ZNF37A: variants seen among roughly 807,000 people sequenced by gnomAD.
The protein encoded by ZNF37A is zinc finger protein 37a (KOX 21).
In ZNF37A, 10 loss-of-function variants were observed where a neutral mutation model predicts 12.3. That is an observed-to-expected ratio of 0.82 (90% CI 0.50 to 1.38). The LOEUF is 1.38. ZNF37A is among the 40% of genes most tolerant of loss of function. ZNF37A has a pLI of 0.00. For synonymous variants in ZNF37A, 207 were observed against 223.0 expected (o/e 0.93, Z 0.64); for missense variants, 580 against 651.2 (o/e 0.89, Z 1.19).
rs1241263552 is a variant in ZNF37A at position 38,121,042 on chromosome 10, A to T, written c.*2205A>T. ...CAAACAATACCTGAGTGGAGTATTC[A>T]AAAACTTGCTTAGAAAGAAAACTCT... On this transcript the variant is annotated 3_prime_UTR_variant, in exon 8 of 8. Transcript: ENST00000685332. The T allele has an allele frequency of 6.6e-6, 1 of 152,198 alleles. No individual in the cohort carries two copies. The highest frequency in any genetic ancestry group is 1.5e-5 in the Non-Finnish European group (1 of 68,034). 9.4% of individuals were successfully genotyped at this position (152,198 alleles called of 1,614,324 possible).
In ZNF37A at chr10:38,113,245, C is replaced by T. The variant is rs534425626; in HGVS notation, c.16-1510C>T. On this transcript the variant is annotated intron_variant, in intron 5 of 7. Coordinates refer to ENST00000685332, the MANE Select transcript of ZNF37A (RefSeq NM_001324250.3). Reference sequence around the variant, plus strand: ...TTTTTTTTTTTGAGATGGAGTCTCACTCTGTCACCCAGGCTGGAGTGTGGT... The same window carrying T: ...TTTTTTTTTTTGAGATGGAGTCTCATTCTGTCACCCAGGCTGGAGTGTGGT... Among the ~76,000 whole-genome samples, 7 of 117,108 alleles carry T rather than the reference C, an allele frequency of 6.0e-5. No homozygotes were observed. The East Asian group carries it at 1.7e-3, about 29-fold the overall frequency. 76.8% of individuals were successfully genotyped at this position (117,108 alleles called of 152,430 possible). A position where few individuals can be genotyped will look rare whatever the true frequency, so the allele number is the denominator to read the frequency against.
At position 38,114,741 on chromosome 10, in the gene ZNF37A, T is replaced by C. The variant is rs1176055764; in HGVS notation, c.16-14T>C. The C allele has an allele frequency of 3.7e-6, 6 of 1,613,852 alleles. No individual in the cohort carries two copies. In the African/African-American group the frequency reaches 5.3e-5, roughly 14 times the overall value. ...TCTTATCACTTCAGACTGAGCAAAATTGTGATTTTCCAGGGATCAGTGTCG... is the reference window on the plus strand; with the variant it reads ...TCTTATCACTTCAGACTGAGCAAAACTGTGATTTTCCAGGGATCAGTGTCG... On this transcript the variant is annotated splice_polypyrimidine_tract_variant and intron_variant, in intron 5 of 7. Transcript: ENST00000685332.
intron 5 of ZNF37A, among the ~76,000 whole-genome samples, chr10:38,098,800 A>C (rs1339130606): frequency 6.6e-6 from 1 of 152,220 alleles, no homozygotes; most frequent in Non-Finnish European, 1.5e-5. Flanking sequence ...GACTGGTTGC[A>C]GTAGAGACTG....
chr10:38,146,732 G>T (rs1435005251), exon 8 of ZNF37A: 7 of 398,392 alleles, frequency 1.8e-5, no homozygotes, highest in Non-Finnish European at 2.7e-5. Flanking sequence ...CTACCCACAG[G>T]CTCCACAAGG....
intron 7 of ZNF37A, chr10:38,140,302 G>C (rs2136082988): frequency 6.6e-6 from 1 of 152,350 alleles, no homozygotes; most frequent in Middle Eastern, 3.4e-3. Context: ...AAACTGAGCT[G>C]TGTGTAAACA....
rs2069395074 is a variant in ZNF37A, at chr10:38,117,780, T to C, written c.629T>C (p.Phe210Ser). ...GGTAATGAATGTGGAGAAAATATCT[T>C]TGAGGAATCCATTCTCCTTGAACAT... ...HYGNECGENIFEESILLEHQS... is the reference protein window; with the variant it reads ...HYGNECGENISEESILLEHQS... The change falls in exon 8 of 8, where the codon TTT becomes TCT. Residue 210 changes from phenylalanine (F) to serine (S), a missense_variant. Coordinates refer to ENST00000685332, the MANE Select transcript of ZNF37A (RefSeq NM_001324250.3). 2.5e-6 allele frequency: 4 copies of C among 1,614,040 alleles called. No homozygotes were observed. The highest frequency in any genetic ancestry group is 3.4e-6 in the Non-Finnish European group (4 of 1,179,996).
intron 7 of ZNF37A, among the ~76,000 whole-genome samples, chr10:38,145,002 G>A (rs1467159400): frequency 1.3e-5 from 2 of 152,114 alleles, no homozygotes; most frequent in Non-Finnish European, 2.9e-5. Flanking sequence ...CAAATGGGAG[G>A]TGAGGGAAAT....
At chr10:38,100,655 A>G (rs1461311591) in intron 5 of ZNF37A, among the ~76,000 whole-genome samples, 1 of 152,140 alleles carries the variant, frequency 6.6e-6, no homozygotes, top group Non-Finnish European at 1.5e-5. Flanking sequence ...TCTTTTTTCA[A>G]GGTGCCCAGA....
chr10:38,143,472 T>C (rs535425750), intron 7 of ZNF37A: 2 of 152,332 alleles, frequency 1.3e-5, no homozygotes, highest in African/African-American at 4.8e-5. Context: ...GAGGCATATC[T>C]GGTCCCCAGT....
chr10:38,099,256 G>C (rs1298244574), intron 5 of ZNF37A, among the ~76,000 whole-genome samples: 1 of 152,088 alleles, frequency 6.6e-6, no homozygotes, highest in Non-Finnish European at 1.5e-5. Flanking sequence ...TTGAAATTCT[G>C]TACCTATTAA....
chr10:38,110,422 A>G (rs765652449), intron 5 of ZNF37A, among the ~76,000 whole-genome samples: 10 of 152,236 alleles, frequency 6.6e-5, no homozygotes, highest in African/African-American at 1.2e-4. Flanking sequence ...GTACATAGGC[A>G]TGGGCAAAAC....
intron 7 of ZNF37A, among the ~76,000 whole-genome samples, chr10:38,116,884 G>T (rs552221393): frequency 5.3e-5 from 8 of 152,322 alleles, no homozygotes; most frequent in Admixed American, 4.6e-4. Flanking sequence ...CAGTGTGGAT[G>T]AATTGTTTGA....
chr10:38,115,699 T>C lies in ZNF37A; in HGVS notation c.238+409T>C, dbSNP rs144503301. ...ATTAAATATATTTTTCTATACATGC[T>C]TTTTTGAGTTGCTCATTCATTAGCT... On this transcript the variant is annotated intron_variant, in intron 7 of 7. Coordinates refer to ENST00000685332, the MANE Select transcript of ZNF37A (RefSeq NM_001324250.3). 120 of 152,732 alleles carry C rather than the reference T, an allele frequency of 7.9e-4. No homozygotes were observed. In the East Asian group the frequency reaches 0.014, roughly 18 times the overall value. The allele number at this position is 152,732 out of a possible 1,614,324, so 9.5% of individuals were successfully genotyped here.
chr10:38,144,541 A>T (rs2070227914), intron 7 of ZNF37A: 1 of 152,202 alleles, frequency 6.6e-6, no homozygotes, highest in Non-Finnish European at 1.5e-5. Flanking sequence ...CTTTTTTATT[A>T]TAGTTGTCTA....
rs781121413 is a variant in ZNF37A at position 38,115,193 on chromosome 10, A to AGGGTATT, written c.143_149dup. The AGGGTATT allele has an allele frequency of 1.9e-6, 3 of 1,613,038 alleles. No individual in the cohort carries two copies. In the African/African-American group the frequency reaches 4.0e-5, roughly 22 times the overall value. ...CCCAAGTAATACAATTCTCATTCACAGGGTATTGCATTCCTAAACCAGAAG... is the reference window on the plus strand; with the variant it reads ...CCCAAGTAATACAATTCTCATTCACAGGGTATTGGGTATTGCATTCCTAAACCAGAAG... On this transcript the variant is annotated splice_acceptor_variant, in intron 6 of 7. Coordinates refer to ENST00000685332, the MANE Select transcript of ZNF37A (RefSeq NM_001324250.3). LOFTEE classifies it high-confidence loss of function.
chr10:38,112,755 C>CGG (rs1564932023), intron 5 of ZNF37A, among the ~76,000 whole-genome samples: 3,126 of 51,336 alleles, frequency 0.061, 350 homozygotes, highest in African/African-American at 0.089. Context: ...CTTTTCTTTT[C>CGG]TTTTCTTTTC....
intron 7 of ZNF37A, among the ~76,000 whole-genome samples, chr10:38,134,270 G>C (rs1472118305): frequency 6.6e-6 from 1 of 152,144 alleles, no homozygotes; most frequent in African/African-American, 2.4e-5. Context: ...ATTACCGATC[G>C]TCTGAAGCCT....
intron 5 of ZNF37A, among the ~76,000 whole-genome samples, chr10:38,098,189 A>G (rs1453364709): frequency 6.6e-6 from 1 of 152,232 alleles, no homozygotes; most frequent in Non-Finnish European, 1.5e-5. Context: ...TTATATGGAT[A>G]TACCAACTTT....
intron 5 of ZNF37A, among the ~76,000 whole-genome samples, chr10:38,105,734 A>G (rs1416568912): frequency 6.6e-6 from 1 of 152,210 alleles, no homozygotes; most frequent in Non-Finnish European, 1.5e-5. Context: ...CCATAGCACT[A>G]AGTATTTTAT....
Sources: allele counts gnomAD v4.1 joint callset (sites outside exome capture counted in the v4.1 genomes callset), GRCh38; gene constraint gnomAD v4.1.1; transcripts MANE v1.5; gene names NCBI Gene and HGNC (gene_info 2026-07-23, HGNC 2026-07-21).